CARS2: variants seen among roughly 807,000 people sequenced by gnomAD.
The protein encoded by CARS2 is cysteinyl-tRNA synthetase 2, mitochondrial.
Under a neutral mutation model 68.8 loss-of-function variants are expected in CARS2, and 52 were observed. The observed-to-expected ratio is 0.76, with a 90% CI of 0.61 to 0.95. The LOEUF (loss-of-function observed/expected upper bound fraction) is 0.95, where lower values mean the gene tolerates loss of function less well. CARS2 is among the 40% of genes least tolerant of loss of function. CARS2 has a pLI of 0.00. For synonymous variants in CARS2, 314 were observed against 303.6 expected, an observed-to-expected ratio of 1.03 and a Z score of -0.36; for missense variants, 780 against 754.2, an observed-to-expected ratio of 1.03 and a Z score of -0.40.
rs1594300287 is a variant in CARS2, at chr13:110,668,407, T to C, written c.786-934A>G. ...AATACAAAAAATCAGCCGGGCGTGG[T>C]GGCGGGTGCCTGTAGTCCCAGCTGC... is the stretch of plus-strand genomic sequence containing the variant. On this transcript the variant is annotated intron_variant, in intron 7 of 14. Transcript: ENST00000257347. The surrounding 1 kb of genome is among the most constrained non-coding windows in gnomAD (Gnocchi z 4.1). 6.6e-6 allele frequency among the ~76,000 whole-genome samples: 1 copy of C among 152,128 alleles called. No homozygotes were observed. Among genetic ancestry groups the C allele is most frequent in the South Asian group, 2.1e-4 (1 of 4,818 alleles).
At chr13:110,697,145 GC>G (rs778786365) in intron 3 of CARS2, among the ~76,000 whole-genome samples, 2 of 152,228 alleles carry the variant, frequency 1.3e-5, no homozygotes, top group Non-Finnish European at 2.9e-5. Flanking sequence ...GGCTCTGGCT[GC>G]CCCGACGGCA....
rs772687692 is a variant in CARS2 at position 110,705,981 on chromosome 13, C to A, written c.113G>T (p.Arg38Leu). Reference protein sequence around the residue: ...WPAGRAASGGRGRAWLQPTGR... With the variant: ...WPAGRAASGGLGRAWLQPTGR... ...CGTGGGCTGCAGCCAGGCCCGCCCG[C>A]GCCCCCCGCTCGCCGCCCGGCCCGC... Residue 38 changes from arginine to leucine, a missense_variant, in exon 1 of 15, where the codon CGC (arginine) becomes CTC (leucine). Transcript: ENST00000257347. This position sits in a 1 kb window ranked among gnomAD's most constrained non-coding sequence, Gnocchi z 4.0. The A allele has an allele frequency of 6.6e-7, 1 of 1,509,740 alleles. No homozygotes were observed. Among genetic ancestry groups the A allele is most frequent in the Admixed American group, 2.1e-5 (1 of 47,324 alleles). 93.5% of individuals were successfully genotyped at this position (1,509,740 alleles called of 1,614,324 possible).
upstream of CARS2, among the ~76,000 whole-genome samples, chr13:110,711,302 C>T (rs953841821): frequency 6.6e-6 from 1 of 152,116 alleles, no homozygotes; most frequent in African/African-American, 2.4e-5. Flanking sequence ...CTGCAACCTC[C>T]CCTCCTAGGT....
intron 11 of CARS2, chr13:110,646,758 G>A (rs1888175102): frequency 4.1e-6 from 1 of 243,698 alleles, no homozygotes; most frequent in South Asian, 1.2e-4. Context: ...GAGGGCCCCA[G>A]GCACACTTCC....
intron 1 of CARS2, chr13:110,713,136 C>T: frequency 7.0e-7 from 1 of 1,428,794 alleles, no homozygotes; most frequent in Non-Finnish European, 9.1e-7. Flanking sequence ...GCATTACTCA[C>T]GGTCTCCCCG....
At chr13:110,692,091 CACAT>C (rs1318770391) in intron 3 of CARS2, among the ~76,000 whole-genome samples, 4 of 146,404 alleles carry the variant, frequency 2.7e-5, no homozygotes, top group Non-Finnish European at 3.0e-5. Flanking sequence ...TATATACACA[CACAT>C]ATATACATAT....
intron 3 of CARS2, among the ~76,000 whole-genome samples, chr13:110,698,473 T>C (rs1262284298): frequency 2.0e-5 from 3 of 150,802 alleles, no homozygotes; most frequent in African/African-American, 4.9e-5. Flanking sequence ...TGAGCGGAGA[T>C]AGCACCATTG....
intron 2 of CARS2, among the ~76,000 whole-genome samples, chr13:110,704,369 T>C (rs917689794): frequency 1.3e-5 from 2 of 152,224 alleles, no homozygotes; most frequent in African/African-American, 4.8e-5. Context: ...GATGTCGAAA[T>C]ATGCTTTTGA....
At chr13:110,664,077 A>C in intron 8 of CARS2, 3 of 983,040 alleles carry the variant, frequency 3.1e-6, no homozygotes, top group Non-Finnish European at 3.6e-6. Flanking sequence ...AGGAAAACCA[A>C]ACTCATTTAA....
chr13:110,680,849 C>T (rs542226884), intron 6 of CARS2, among the ~76,000 whole-genome samples: 3 of 152,342 alleles, frequency 2.0e-5, no homozygotes, highest in African/African-American at 7.2e-5. Context: ...GGGCAATAAA[C>T]CCATTCAGAA....
At chr13:110,697,635 G>A (rs570172299) in intron 3 of CARS2, among the ~76,000 whole-genome samples, 2 of 152,346 alleles carry the variant, frequency 1.3e-5, no homozygotes, top group South Asian at 2.1e-4. Context: ...TAGAGACAGC[G>A]TTTTGCCATG....
At chr13:110,664,877 C>G in intron 8 of CARS2, 1 of 522,490 alleles carries the variant, frequency 1.9e-6, no homozygotes, top group South Asian at 8.3e-5. Context: ...CCCGAGACAC[C>G]GAGTCTGCCA....
intron 14 of CARS2, 32 bp downstream of exon 14, chr13:110,642,283 G>A (rs940558340): frequency 6.6e-6 from 10 of 1,521,572 alleles, no homozygotes; most frequent in Non-Finnish European, 8.0e-6. Context: ...CGGCTCCTGG[G>A]GTGATGTCCC....
In CARS2 at chr13:110,641,610, TGGA is replaced by T. The variant is rs1566630163; in HGVS notation, c.1624-5_1624-3del. On this transcript the variant is annotated splice_region_variant and splice_polypyrimidine_tract_variant and intron_variant, in intron 14 of 14. Transcript: ENST00000257347. ...CGTGGATGTTGTACTGCTTCTGTCC[TGGA>T]GAAGAAGAGTGAGGTCCAACTCTGA... 2 of 1,612,892 alleles carry T rather than the reference TGGA, an allele frequency of 1.2e-6. No individual in the cohort carries two copies. Among genetic ancestry groups the T allele is most frequent in the South Asian group, 1.1e-5 (1 of 91,052 alleles).
chr13:110,685,992 G>GAAAAAAAAAAAAA (rs10668818), intron 5 of CARS2, among the ~76,000 whole-genome samples: 1 of 128,732 alleles, frequency 7.8e-6, no homozygotes. Context: ...CAGAAAAAAT[G>GAAAAAAAAAAAAA]AAAAAAAAAA....
chr13:110,686,134 C>T (rs1268483821), intron 5 of CARS2, among the ~76,000 whole-genome samples: 1 of 152,054 alleles, frequency 6.6e-6, no homozygotes, highest in Non-Finnish European at 1.5e-5. Context: ...CGAAGCTAGC[C>T]AGAAATTCTT....
In CARS2 at chr13:110,706,084, T is replaced by A. The variant is rs1037184355; in HGVS notation, c.10A>T (p.Thr4Ser). 5 of 1,320,456 alleles carry A rather than the reference T, an allele frequency of 3.8e-6. No homozygotes were observed. In the African/African-American group the frequency reaches 7.7e-5, roughly 20 times the overall value. 81.8% of individuals were successfully genotyped at this position (1,320,456 alleles called of 1,614,324 possible). The change falls in exon 1 of 15, where the codon ACT becomes TCT. Residue 4 changes from threonine to serine, a missense_variant. Coordinates refer to ENST00000257347, the MANE Select transcript of CARS2 (RefSeq NM_024537.4). The part of the protein sequence containing the change: MLR[T>S]TRGPGLGPPL... ...GGGCCCAGGCCTGGGCCGCGCGTAG[T>A]CCTCAACATGTCAGCGGCCAGCGCC...
chr13:110,688,694 G>A (rs2139864609), intron 3 of CARS2: 1 of 152,436 alleles, frequency 6.6e-6, no homozygotes, highest in Non-Finnish European at 1.5e-5. Flanking sequence ...TGGATGACAT[G>A]AGGCCGGGAG....
At chr13:110,645,862 G>A (rs1329884583) in intron 12 of CARS2, 105 bp downstream of exon 12, 11 of 1,408,074 alleles carry the variant, frequency 7.8e-6, no homozygotes, top group East Asian at 5.0e-5. Flanking sequence ...TGCGGGAGGC[G>A]AAATCAGCAG....
Sources: gnomAD v4.1 joint callset for allele counts (sites outside exome capture counted in the v4.1 genomes callset) on GRCh38, gnomAD v4.1.1 for gene constraint, Gnocchi (gnomAD v3.1) non-coding constraint, MANE v1.5 for transcripts, NCBI Gene and HGNC (gene_info 2026-07-23, HGNC 2026-07-21) for gene names.